Variants in PCDHGA12 observed in about 807,000 individuals in gnomAD.
The protein encoded by PCDHGA12 is protocadherin gamma-A12.
PCDHGA12 carries 43 observed loss-of-function variants against 61.1 expected under a neutral mutation model. The ratio of observed to expected loss-of-function variants is 0.70; its 90% CI spans 0.55 to 0.91. PCDHGA12 has a LOEUF of 0.91. PCDHGA12 is among the 40% of genes least tolerant of loss of function. The pLI is 0.00. For missense variants in PCDHGA12, 1,236 were observed against 1,227.7 expected, an observed-to-expected ratio of 1.01 and a Z score of -0.10; for synonymous variants, 520 against 542.9, an observed-to-expected ratio of 0.96 and a Z score of 0.59.
chr5:141,485,497 T>C lies in PCDHGA12; in HGVS notation c.2425-9310T>C, dbSNP rs1594488328. On this transcript the variant is annotated intron_variant, in intron 1 of 3. Coordinates refer to ENST00000252085, the MANE Select transcript of PCDHGA12 (RefSeq NM_003735.3). The surrounding 1 kb of genome is among the most constrained non-coding windows in gnomAD (Gnocchi z 5.7). ...CCAGCTGCATCGTGCCCCTGGAGTT[T>C]GTCACCGAAGGTCCTTTGGAAATGT... 6.2e-7 allele frequency: 1 copy of C among 1,614,112 alleles called. No homozygotes were observed. The highest frequency in any genetic ancestry group is 1.3e-5 in the African/African-American group (1 of 74,998).
In PCDHGA12 at chr5:141,487,192, C is replaced by T. The variant is rs2099641028; in HGVS notation, c.2425-7615C>T. ...TAGAGGAAGACACTCATCCAGTTGT[C>T]CCAGATCTTCGAGAATCTTCAGCTC... On this transcript the variant is annotated intron_variant, in intron 1 of 3. Transcript: ENST00000252085. This position sits in a 1 kb window ranked among gnomAD's most constrained non-coding sequence, Gnocchi z 5.0. 15 of 1,613,748 alleles carry T rather than the reference C, an allele frequency of 9.3e-6. No individual in the cohort carries two copies. Among genetic ancestry groups the T allele is most frequent in the African/African-American group, 1.3e-5 (1 of 75,040 alleles).
intron 1 of PCDHGA12, among the ~76,000 whole-genome samples, chr5:141,436,604 G>A (rs2097836057): frequency 6.6e-6 from 1 of 152,146 alleles, no homozygotes; most frequent in Admixed American, 6.5e-5. Context: ...GTGATGGCTA[G>A]GGCTAACAAA....
At chr5:141,458,735 A>G (rs2098952642) in intron 1 of PCDHGA12, among the ~76,000 whole-genome samples, 1 of 148,560 alleles carries the variant, frequency 6.7e-6, no homozygotes, top group East Asian at 2.0e-4. Context: ...ACATCCAGCT[A>G]TTGGTTTTGG....
Position 141,490,325 on chromosome 5 carries a change from G to A in PCDHGA12, c.2425-4482G>A. 1 of 1,614,236 alleles carries A rather than the reference G, an allele frequency of 6.2e-7. No individual in the cohort carries two copies. Among genetic ancestry groups the A allele is most frequent in the Non-Finnish European group, 8.5e-7 (1 of 1,180,038 alleles). On this transcript the variant is annotated intron_variant, in intron 1 of 3. Transcript: ENST00000252085. This position sits in a 1 kb window ranked among gnomAD's most constrained non-coding sequence, Gnocchi z 5.4. ...TCTTTGGCCAACCCTGTCCTAGAGA[G>A]CACACCAGTGGGCACAGTAGTGGGG...
At position 141,491,794 on chromosome 5, in the gene PCDHGA12, TC is replaced by T; in HGVS notation, c.2425-3011del. On this transcript the variant is annotated intron_variant, in intron 1 of 3. Transcript: ENST00000252085. This position sits in a 1 kb window ranked among gnomAD's most constrained non-coding sequence, Gnocchi z 6.9. ...GGGATTGAACTTGCATCCACTCCTC[TC>T]CGGCCGGCTTGGTCGCTGGCTGCGC... is the stretch of plus-strand genomic sequence containing the variant. The T allele has an allele frequency of 6.6e-7, 1 of 1,511,056 alleles. No individual in the cohort carries two copies. The highest frequency in any genetic ancestry group is 8.8e-7 in the Non-Finnish European group (1 of 1,130,146). The allele number at this position is 1,511,056 out of a possible 1,614,324, so 93.6% of individuals were successfully genotyped here.
In PCDHGA12 at chr5:141,485,429, A is replaced by T. The variant is rs1388904857; in HGVS notation, c.2425-9378A>T. On this transcript the variant is annotated intron_variant, in intron 1 of 3. Transcript: ENST00000252085. This position sits in a 1 kb window ranked among gnomAD's most constrained non-coding sequence, Gnocchi z 5.7. Reference sequence around the variant, plus strand: ...GGATTTGGACAGCGGAGCCCTGCTCATCAAGAACCCAATCGACCGAGAGGC... The same window carrying T: ...GGATTTGGACAGCGGAGCCCTGCTCTTCAAGAACCCAATCGACCGAGAGGC... The T allele has an allele frequency of 6.2e-7, 1 of 1,614,090 alleles. No homozygotes were observed. Among genetic ancestry groups the T allele is most frequent in the Non-Finnish European group, 8.5e-7 (1 of 1,180,052 alleles).
intron 3 of PCDHGA12, chr5:141,508,275 T>G (rs1030431371): frequency 6.6e-6 from 1 of 152,138 alleles, no homozygotes. Context: ...ATCCCGGTCC[T>G]TGACCAAGGT....
chr5:141,464,515 A>C (rs969421973), intron 1 of PCDHGA12, among the ~76,000 whole-genome samples: 4 of 152,028 alleles, frequency 2.6e-5, no homozygotes, highest in Non-Finnish European at 4.4e-5. Flanking sequence ...CATAAGGTAA[A>C]GGCATATGTA....
chr5:141,457,335 A>G (rs2098917073), intron 1 of PCDHGA12, among the ~76,000 whole-genome samples: 1 of 152,172 alleles, frequency 6.6e-6, no homozygotes, highest in Admixed American at 6.5e-5. Flanking sequence ...CAGGTACCTT[A>G]CTTACTTTCA....
chr5:141,456,554 G>A (rs1003323522), intron 1 of PCDHGA12, among the ~76,000 whole-genome samples: 2 of 152,202 alleles, frequency 1.3e-5, no homozygotes, highest in Non-Finnish European at 2.9e-5. Flanking sequence ...GCCACTCGGG[G>A]CTGAAGCCCA....
intron 1 of PCDHGA12, among the ~76,000 whole-genome samples, chr5:141,457,537 T>C (rs967428207): frequency 6.6e-6 from 1 of 152,228 alleles, no homozygotes; most frequent in Non-Finnish European, 1.5e-5. Context: ...TAGGGTTTAA[T>C]GACAAATGTA....
chr5:141,481,183 G>A (rs2099533234), intron 1 of PCDHGA12, among the ~76,000 whole-genome samples: 1 of 152,146 alleles, frequency 6.6e-6, no homozygotes, highest in African/African-American at 2.4e-5. Flanking sequence ...GCTTTATTGG[G>A]CCAGGCCCAA....
At chr5:141,507,183 C>T (rs2099859036) in intron 3 of PCDHGA12, 1 of 152,428 alleles carries the variant, frequency 6.6e-6, no homozygotes, top group Non-Finnish European at 1.5e-5. Flanking sequence ...TCCTCGAGCT[C>T]TGCTTTATTC....
At position 141,490,406 on chromosome 5, in the gene PCDHGA12, T is replaced by G; in HGVS notation, c.2425-4401T>G. On this transcript the variant is annotated intron_variant, in intron 1 of 3. Transcript: ENST00000252085. This position sits in a 1 kb window ranked among gnomAD's most constrained non-coding sequence, Gnocchi z 5.4. ...AGAAATGGTGAAGTGAGCCTTGATA[T>G]CTCTCCGGACCTGCCATTTCAGATT... is the stretch of plus-strand genomic sequence containing the variant. The G allele has an allele frequency of 1.9e-6, 3 of 1,614,112 alleles. No individual in the cohort carries two copies. Among genetic ancestry groups the G allele is most frequent in the Non-Finnish European group, 2.5e-6 (3 of 1,180,020 alleles).
In PCDHGA12 at chr5:141,489,514, C is replaced by T. The variant is rs141377711; in HGVS notation, c.2425-5293C>T. 63 of 1,613,926 alleles carry T rather than the reference C, an allele frequency of 3.9e-5. No homozygotes were observed. The highest frequency in any genetic ancestry group is 6.7e-5 in the Admixed American group (4 of 60,004). ...CCTGGCAGTGAATCAAAAGATTGAC[C>T]GAGAAAGCCTATGTGGAGCCAGCAC... On this transcript the variant is annotated intron_variant, in intron 1 of 3. Coordinates refer to ENST00000252085, the MANE Select transcript of PCDHGA12 (RefSeq NM_003735.3). This position sits in a 1 kb window ranked among gnomAD's most constrained non-coding sequence, Gnocchi z 4.5.
chr5:141,500,400 G>A (rs2099799942), intron 2 of PCDHGA12, among the ~76,000 whole-genome samples: 1 of 151,666 alleles, frequency 6.6e-6, no homozygotes, highest in East Asian at 1.9e-4. Context: ...TAGTAGAGAC[G>A]GGGTTTCACC....
At chr5:141,495,558 A>G (rs2099762084) in intron 2 of PCDHGA12, among the ~76,000 whole-genome samples, 1 of 151,662 alleles carries the variant, frequency 6.6e-6, no homozygotes, top group Admixed American at 6.6e-5. Flanking sequence ...TCGCTTTGCA[A>G]TCTCTGCCTC....
At position 141,489,378 on chromosome 5, in the gene PCDHGA12, G is replaced by A. The variant is rs1562129701; in HGVS notation, c.2425-5429G>A. ...AGTCTGAGCCGGGGACGCTGGTGGGGAATGTTGCTCAGGATCTGGGCTTAA... is the reference window on the plus strand; with the variant it reads ...AGTCTGAGCCGGGGACGCTGGTGGGAAATGTTGCTCAGGATCTGGGCTTAA... On this transcript the variant is annotated intron_variant, in intron 1 of 3. Coordinates refer to ENST00000252085, the MANE Select transcript of PCDHGA12 (RefSeq NM_003735.3). The surrounding 1 kb of genome is among the most constrained non-coding windows in gnomAD (Gnocchi z 4.5). 1.2e-6 allele frequency: 2 copies of A among 1,613,908 alleles called. No homozygotes were observed. The highest frequency in any genetic ancestry group is 3.3e-5 in the Admixed American group (2 of 60,026).
chr5:141,488,748 T>C (rs2099679003), intron 1 of PCDHGA12, among the ~76,000 whole-genome samples: 1 of 152,270 alleles, frequency 6.6e-6, no homozygotes, highest in African/African-American at 2.4e-5. Flanking sequence ...ATGCAGGAAG[T>C]TGCTGGGACA....
Sources: allele counts gnomAD v4.1 joint callset (sites outside exome capture counted in the v4.1 genomes callset), GRCh38; gene constraint gnomAD v4.1.1; non-coding constraint Gnocchi (gnomAD v3.1); transcripts MANE v1.5; gene names NCBI Gene and HGNC (gene_info 2026-07-23, HGNC 2026-07-21).